SNTG2: variants seen among roughly 807,000 people sequenced by gnomAD.
SNTG2 encodes syntrophin gamma 2.
A neutral mutation model predicts 70.9 loss-of-function variants in SNTG2; 74 were observed. That is an observed-to-expected ratio of 1.04 (90% CI 0.86 to 1.27). SNTG2 has a LOEUF of 1.27. SNTG2 is among the 50% of genes most tolerant of loss of function. The probability of loss-of-function intolerance (pLI) is 0.00; values close to 1 mark genes in which losing one functional copy is unlikely to be tolerated. For synonymous variants in SNTG2, 278 were observed against 273.8 expected (o/e 1.02, Z -0.15); for missense variants, 717 against 690.7 (o/e 1.04, Z -0.43).
chr2:1,017,940 G>C (rs1161207707), intron 1 of SNTG2, among the ~76,000 whole-genome samples: 1 of 152,144 alleles, frequency 6.6e-6, no homozygotes, highest in Non-Finnish European at 1.5e-5. Context: ...TTTTTCTTTA[G>C]GCTCTTCCCC....
intron 1 of SNTG2, among the ~76,000 whole-genome samples, chr2:1,035,750 T>C (rs1661093646): frequency 6.6e-6 from 1 of 152,258 alleles, no homozygotes; most frequent in African/African-American, 2.4e-5. Flanking sequence ...ACTTTATATA[T>C]CTAAAGTCTT....
At chr2:1,116,820 CTGTGGGTGCCCTGGTG>C (rs1200628438) in intron 4 of SNTG2, among the ~76,000 whole-genome samples, 3 of 32,178 alleles carry the variant, frequency 9.3e-5, no homozygotes, top group Non-Finnish European at 1.9e-4. Context: ...GTTTCCTGGT[CTGTGGGTGCCCTGGTG>C]TATGGGTGCC....
intron 1 of SNTG2, among the ~76,000 whole-genome samples, chr2:1,076,629 CAA>C (rs1663934216): frequency 1.3e-5 from 2 of 152,140 alleles, no homozygotes; most frequent in Admixed American, 6.5e-5. Flanking sequence ...ATGCTTCCAA[CAA>C]AGACATACGA....
chr2:1,262,755 A>G lies in SNTG2; in HGVS notation c.1077+3314A>G, dbSNP rs138425776. ...GAGGCAACCGGAAGGCTCCGTGCAG[A>G]CGAGGCAACCCGAAGGCTCCGTGCA... On this transcript the variant is annotated intron_variant, in intron 13 of 16. Transcript: ENST00000308624. 1.6e-3 allele frequency: 244 copies of G among 149,086 alleles called. 1 individual carries two copies. Among genetic ancestry groups the G allele is most frequent in the Middle Eastern group, 6.9e-3 (2 of 290 alleles). The allele number at this position is 149,086 out of a possible 1,614,324, so 9.2% of individuals were successfully genotyped here.
intron 8 of SNTG2, among the ~76,000 whole-genome samples, chr2:1,186,145 A>G (rs1028456630): frequency 2.0e-5 from 2 of 101,458 alleles, no homozygotes; most frequent in Non-Finnish European, 4.0e-5. Flanking sequence ...CAGGGGCACA[A>G]TGCCTCCAAC....
chr2:1,311,820 A>T (rs555057960), intron 15 of SNTG2, among the ~76,000 whole-genome samples: 1 of 152,216 alleles, frequency 6.6e-6, no homozygotes, highest in Non-Finnish European at 1.5e-5. Flanking sequence ...GATAATTAGC[A>T]CTTTTACACC....
intron 8 of SNTG2, among the ~76,000 whole-genome samples, chr2:1,178,813 C>T (rs1572656566): frequency 1.3e-5 from 2 of 151,878 alleles, no homozygotes; most frequent in African/African-American, 4.8e-5. Flanking sequence ...TGATGCTGGC[C>T]TCATAAAATG....
chr2:1,319,214 C>T (rs577051393), intron 16 of SNTG2, among the ~76,000 whole-genome samples: 2 of 152,320 alleles, frequency 1.3e-5, no homozygotes, highest in Non-Finnish European at 2.9e-5. Context: ...GCATCGCTGC[C>T]TTGTGATGCT....
intron 6 of SNTG2, chr2:1,158,482 A>T (rs1670048054): frequency 6.6e-6 from 1 of 151,890 alleles, no homozygotes; most frequent in African/African-American, 2.4e-5. Flanking sequence ...TCCTGGGCTT[A>T]GCTTCTGTAA....
chr2:1,281,257 G>GTA (rs1679510661), intron 14 of SNTG2, among the ~76,000 whole-genome samples: 1 of 398 alleles, frequency 2.5e-3, no homozygotes, highest in East Asian at 0.05. Context: ...TGTGTGTGTG[G>GTA]TGGTATGTGT....
At chr2:1,242,258 CA>C (rs1224642147) in intron 11 of SNTG2, among the ~76,000 whole-genome samples, 17 of 152,058 alleles carry the variant, frequency 1.1e-4, no homozygotes, top group Non-Finnish European at 2.1e-4. Context: ...TCACTCTGAA[CA>C]ATTCATTCTT....
intron 1 of SNTG2, among the ~76,000 whole-genome samples, chr2:1,004,247 A>G (rs1428373546): frequency 6.6e-6 from 1 of 152,234 alleles, no homozygotes; most frequent in Non-Finnish European, 1.5e-5. Flanking sequence ...AAGATAACAC[A>G]GGAAAAGCCT....
chr2:1,066,418 A>G (rs1416909053), intron 1 of SNTG2, among the ~76,000 whole-genome samples: 1 of 151,476 alleles, frequency 6.6e-6, no homozygotes, highest in African/African-American at 2.4e-5. Flanking sequence ...TGCTGGCTGC[A>G]GGCGTTGAGT....
At chr2:1,256,279 C>T (rs2148157121) in intron 12 of SNTG2, 1 of 152,106 alleles carries the variant, frequency 6.6e-6, no homozygotes, top group South Asian at 2.1e-4. Context: ...ACTGAAGTGT[C>T]GTGACGTGGT....
At chr2:1,177,770 C>T (rs528237615) in intron 8 of SNTG2, among the ~76,000 whole-genome samples, 2 of 152,128 alleles carry the variant, frequency 1.3e-5, no homozygotes, top group African/African-American at 2.4e-5. Context: ...TAAGCATACC[C>T]ACATAGCCCT....
At chr2:1,235,034 G>C (rs529469638) in intron 9 of SNTG2, among the ~76,000 whole-genome samples, 7 of 152,330 alleles carry the variant, frequency 4.6e-5, no homozygotes, top group Non-Finnish European at 8.8e-5. Flanking sequence ...GGAGCCAAGC[G>C]GTGACCATGC....
intron 1 of SNTG2, among the ~76,000 whole-genome samples, chr2:1,037,631 C>T (rs1252075318): frequency 2.0e-5 from 3 of 152,078 alleles, no homozygotes; most frequent in Non-Finnish European, 2.9e-5. Context: ...AATCATAGGA[C>T]GTCTGGTGCT....
At chr2:975,617 C>T (rs988049432) in intron 1 of SNTG2, among the ~76,000 whole-genome samples, 2 of 151,980 alleles carry the variant, frequency 1.3e-5, no homozygotes, top group Non-Finnish European at 2.9e-5. Flanking sequence ...CCCACCCATC[C>T]GCCTACACCA....
chr2:1,314,319 C>T (rs73179418), intron 15 of SNTG2, among the ~76,000 whole-genome samples: 2,620 of 152,306 alleles, frequency 0.017, 63 homozygotes, highest in African/African-American at 0.058. Flanking sequence ...ACAGGTCCCT[C>T]CTACAAATGA....
Sources: gnomAD v4.1 joint callset for allele counts (sites outside exome capture counted in the v4.1 genomes callset) on GRCh38, gnomAD v4.1.1 for gene constraint, MANE v1.5 for transcripts, NCBI Gene and HGNC (gene_info 2026-07-23, HGNC 2026-07-21) for gene names.